The following ERBB4 variants were observed in gnomAD, a reference collection of about 807,000 sequenced individuals.
The protein encoded by ERBB4 is erb-b2 receptor tyrosine kinase 4.
ERBB4 carries 42 observed loss-of-function variants against 158.0 expected under a neutral mutation model. The observed-to-expected ratio is 0.27, with a 90% CI of 0.21 to 0.34. The LOEUF (loss-of-function observed/expected upper bound fraction) is 0.34, where lower values mean the gene tolerates loss of function less well. Among genes scored for constraint, ERBB4 ranks in the 10% least tolerant of loss-of-function variants. ERBB4 has a pLI of 1.00. For synonymous variants in ERBB4, 583 were observed against 558.7 expected, an observed-to-expected ratio of 1.04 and a Z score of -0.61; for missense variants, 1,333 against 1,624.1, an observed-to-expected ratio of 0.82 and a Z score of 3.08.
rs150189239 is a variant in ERBB4 at position 212,271,863 on chromosome 2, C to A, written c.83-146960G>T. Among the ~76,000 whole-genome samples the A allele has an allele frequency of 5.1e-3, 776 of 151,866 alleles. 4 individuals carry two copies. Among genetic ancestry groups the A allele is most frequent in the Middle Eastern group, 0.017 (5 of 292 alleles). ...GAGGGAGCAGAAGCCAAGTTAAGAGCTGCAAAGGCAAGATGCTCTAGACGT... is the reference window on the plus strand; with the variant it reads ...GAGGGAGCAGAAGCCAAGTTAAGAGATGCAAAGGCAAGATGCTCTAGACGT... On this transcript the variant is annotated intron_variant, in intron 1 of 27. Coordinates refer to ENST00000342788, the MANE Select transcript of ERBB4 (RefSeq NM_005235.3).
intron 20 of ERBB4, among the ~76,000 whole-genome samples, chr2:211,487,398 C>T (rs974606046): frequency 1.3e-5 from 2 of 151,964 alleles, no homozygotes; most frequent in African/African-American, 4.8e-5. Context: ...CAAATGTAAT[C>T]ACTACATAAT....
chr2:211,903,021 CT>C (rs1238334397), intron 3 of ERBB4, among the ~76,000 whole-genome samples: 2 of 151,952 alleles, frequency 1.3e-5, no homozygotes, highest in African/African-American at 2.4e-5. Flanking sequence ...TTATGTCAAA[CT>C]TTCTTCTGCA....
intron 2 of ERBB4, among the ~76,000 whole-genome samples, chr2:212,103,776 C>T (rs1307330199): frequency 2.0e-5 from 3 of 151,658 alleles, no homozygotes; most frequent in Non-Finnish European, 4.4e-5. Flanking sequence ...TATATTTCCA[C>T]TTTGAAAATA....
chr2:211,734,888 G>A (rs183025973), intron 5 of ERBB4, among the ~76,000 whole-genome samples: 2 of 132,326 alleles, frequency 1.5e-5, no homozygotes, highest in East Asian at 5.0e-4. Flanking sequence ...AATCCAGCCT[G>A]GGCGACAAGC....
At chr2:211,725,913 C>T (rs1456492012) in intron 5 of ERBB4, among the ~76,000 whole-genome samples, 1 of 152,016 alleles carries the variant, frequency 6.6e-6, no homozygotes, top group Non-Finnish European at 1.5e-5. Context: ...CAACAAAAAT[C>T]ATCATTGGTC....
intron 1 of ERBB4, among the ~76,000 whole-genome samples, chr2:212,415,694 A>G (rs2091631759): frequency 6.6e-6 from 1 of 152,150 alleles, no homozygotes; most frequent in African/African-American, 2.4e-5. Flanking sequence ...CAAAATAAAG[A>G]GAAAATACTG....
At chr2:211,743,391 G>A (rs1431375771) in intron 5 of ERBB4, among the ~76,000 whole-genome samples, 1 of 152,076 alleles carries the variant, frequency 6.6e-6, no homozygotes, top group African/African-American at 2.4e-5. Context: ...CAGGACAAAA[G>A]GAATGCGTAA....
chr2:211,943,504 A>T (rs1370905962), intron 3 of ERBB4, among the ~76,000 whole-genome samples: 3 of 152,050 alleles, frequency 2.0e-5, no homozygotes, highest in Non-Finnish European at 4.4e-5. Context: ...GATAGAGATG[A>T]TTATATGACT....
At chr2:211,648,025 G>A (rs902193442) in intron 16 of ERBB4, among the ~76,000 whole-genome samples, 2 of 151,620 alleles carry the variant, frequency 1.3e-5, no homozygotes, top group African/African-American at 4.8e-5. Flanking sequence ...TCTACATATG[G>A]AATCTCATTT....
At chr2:212,299,932 A>G (rs2086557726) in intron 1 of ERBB4, among the ~76,000 whole-genome samples, 1 of 151,592 alleles carries the variant, frequency 6.6e-6, no homozygotes, top group South Asian at 2.1e-4. Context: ...TCAGTTGGAG[A>G]TAGTCTTCAA....
chr2:211,607,084 A>C (rs559585753), intron 19 of ERBB4, among the ~76,000 whole-genome samples: 1 of 152,298 alleles, frequency 6.6e-6, no homozygotes, highest in African/African-American at 2.4e-5. Flanking sequence ...GAAGGAAATT[A>C]TAGTCAATAG....
intron 2 of ERBB4, among the ~76,000 whole-genome samples, chr2:212,094,601 G>A (rs1000067352): frequency 3.6e-4 from 55 of 151,808 alleles, no homozygotes; most frequent in Admixed American, 9.2e-4. Flanking sequence ...TGGCACCTCC[G>A]CCTGCCTCTC....
intron 1 of ERBB4, among the ~76,000 whole-genome samples, chr2:212,254,243 G>A (rs1389329243): frequency 7.2e-5 from 11 of 151,932 alleles, no homozygotes; most frequent in African/African-American, 2.4e-5. Flanking sequence ...CAGTCCAAAC[G>A]TATTTGCTCA....
intron 5 of ERBB4, among the ~76,000 whole-genome samples, chr2:211,738,361 G>GTTTTT (rs10535592): frequency 1.0e-4 from 14 of 135,434 alleles, no homozygotes; most frequent in Non-Finnish European, 1.9e-4. Flanking sequence ...CTTTGTTTTT[G>GTTTTT]TTTTTTTTTT....
intron 25 of ERBB4, 56 bp from the exon 26 acceptor site, chr2:211,388,048 A>AAATT (rs1209928421): frequency 7.6e-7 from 1 of 1,322,364 alleles, no homozygotes; most frequent in Non-Finnish European, 1.1e-6. Flanking sequence ...ATGAATGAAA[A>AAATT]AATTAAAAAA....
chr2:211,961,729 C>T (rs2081184856), intron 2 of ERBB4, among the ~76,000 whole-genome samples: 2 of 152,052 alleles, frequency 1.3e-5, no homozygotes, highest in African/African-American at 4.8e-5. Context: ...GACAGAGAAA[C>T]ATGGTGAATT....
intron 1 of ERBB4, among the ~76,000 whole-genome samples, chr2:212,473,952 G>C (rs920940445): frequency 4.6e-5 from 7 of 152,006 alleles, no homozygotes; most frequent in Non-Finnish European, 1.0e-4. Context: ...AAAAAAGGTG[G>C]CTTTGACAAG....
intron 7 of ERBB4, among the ~76,000 whole-genome samples, chr2:211,717,823 T>C (rs2073969871): frequency 6.6e-6 from 1 of 152,096 alleles, no homozygotes; most frequent in Non-Finnish European, 1.5e-5. Context: ...CCAGACTCTG[T>C]CTCCAAAAAA....
chr2:212,292,867 C>A (rs1361216445), intron 1 of ERBB4, among the ~76,000 whole-genome samples: 1 of 151,950 alleles, frequency 6.6e-6, no homozygotes, highest in Non-Finnish European at 1.5e-5. Flanking sequence ...TAAAATTCAA[C>A]AAGAAGAGAT....
Sources: gnomAD v4.1 joint callset for allele counts (sites outside exome capture counted in the v4.1 genomes callset) on GRCh38, gnomAD v4.1.1 for gene constraint, MANE v1.5 for transcripts, NCBI Gene and HGNC (gene_info 2026-07-23, HGNC 2026-07-21) for gene names.